ANKRD30BL: variants seen among roughly 807,000 people sequenced by gnomAD.
The protein encoded by ANKRD30BL is ankyrin repeat domain 30B like, also known as putative ankyrin repeat domain-containing protein 30B-like.
In ANKRD30BL, 20 loss-of-function variants were observed where a neutral mutation model predicts 18.4. The observed-to-expected ratio is 1.09, with a 90% CI of 0.77 to 1.58. The LOEUF is 1.58. Among genes scored for constraint, ANKRD30BL ranks in the 40% most tolerant of loss-of-function variants. ANKRD30BL has a pLI of 0.00. For synonymous variants in ANKRD30BL, 72 were observed against 100.9 expected (o/e 0.71, Z 1.72); for missense variants, 224 against 268.6 (o/e 0.83, Z 1.16).
intron 1 of ANKRD30BL, among the ~76,000 whole-genome samples, chr2:132,252,204 G>A (rs201219984): frequency 3.3e-5 from 5 of 152,230 alleles, no homozygotes; most frequent in Admixed American, 6.5e-5. Context: ...TGATGTTAAC[G>A]ATGCTACTGG....
intron 1 of ANKRD30BL, among the ~76,000 whole-genome samples, chr2:132,239,409 T>C (rs1680249981): frequency 6.6e-6 from 1 of 151,970 alleles, no homozygotes. Flanking sequence ...ACTCTTTTTG[T>C]AGGATCTGTA....
Position 132,154,694 on chromosome 2 carries a change from A to T in ANKRD30BL, c.582T>A (p.Asn194Lys). The change falls in exon 4 of 6, where the codon AAT (asparagine) becomes AAA (lysine). Residue 194 changes from asparagine to lysine, a missense_variant. Asn to Lys is a moderately conservative substitution (Grantham distance 94). Around this residue, in one of 3 missense-constraint regions of ANKRD30BL, gnomAD observed 63 missense variants for 62.3 expected, o/e 1.01. Transcript: ENST00000409867. ...EEIVEFLLTKNANANAVDKFK... is the reference protein window; with the variant it reads ...EEIVEFLLTKKANANAVDKFK... ...ACTTATCAACTGCATTTGCATTTGC[A>T]TTTTTTGTCAGTAAAAATTCCACAA... 4.1e-6 allele frequency: 3 copies of T among 729,220 alleles called. No individual in the cohort carries two copies. The highest frequency in any genetic ancestry group is 7.7e-6 in the Non-Finnish European group (3 of 390,350). The allele number at this position is 729,220 out of a possible 1,614,324, so 45.2% of individuals were successfully genotyped here. A position where few individuals can be genotyped will look rare whatever the true frequency, so the allele number is the denominator to read the frequency against.
chr2:132,249,466 A>G (rs1680592332), intron 1 of ANKRD30BL, among the ~76,000 whole-genome samples: 1 of 152,134 alleles, frequency 6.6e-6, no homozygotes. Flanking sequence ...TTTTTATGTG[A>G]AGACATTTCC....
intron 4 of ANKRD30BL, chr2:132,152,597 A>G (rs1234508186): frequency 1.3e-5 from 2 of 152,196 alleles, no homozygotes; most frequent in African/African-American, 2.4e-5. Context: ...GAAAGATGAC[A>G]TGGGATTTTA....
upstream of ANKRD30BL, among the ~76,000 whole-genome samples, chr2:132,166,583 T>C (rs1688191421): frequency 6.6e-6 from 1 of 152,152 alleles, no homozygotes; most frequent in African/African-American, 2.4e-5. Context: ...CTTGTGAGTA[T>C]AGAGTTTTTA....
chr2:132,204,097 C>A (rs201897023), intron 1 of ANKRD30BL, among the ~76,000 whole-genome samples: 1 of 152,140 alleles, frequency 6.6e-6, no homozygotes, highest in Admixed American at 6.6e-5. Flanking sequence ...AAGATCTCAG[C>A]CTTTGTATCA....
At chr2:132,221,172 C>T (rs1679665335) in intron 1 of ANKRD30BL, among the ~76,000 whole-genome samples, 1 of 146,098 alleles carries the variant, frequency 6.8e-6, no homozygotes, top group African/African-American at 2.8e-5. Flanking sequence ...CCGGCAGCCA[C>T]CCCATCCGCG....
In ANKRD30BL at chr2:132,224,647, C is replaced by A. The variant is rs539402137; in HGVS notation, n.441+32882G>T. On this transcript the variant is annotated intron_variant and non_coding_transcript_variant, in intron 1 of 4. Coordinates refer to the ANKRD30BL transcript ENST00000470729. ...TATGGTGGAAAAGGAAGTATCTTCA[C>A]TTAAAAACTAGACAGAAGCACTCTC... Among the ~76,000 whole-genome samples, 257 of 152,088 alleles carry A rather than the reference C, an allele frequency of 1.7e-3. 1 individual carries two copies. Among genetic ancestry groups the A allele is most frequent in the African/African-American group, 5.9e-3 (244 of 41,520 alleles).
intron 1 of ANKRD30BL, among the ~76,000 whole-genome samples, chr2:132,184,230 G>A (rs1000102924): frequency 5.9e-5 from 9 of 152,046 alleles, no homozygotes; most frequent in Non-Finnish European, 1.3e-4. Context: ...CTGCCACCAT[G>A]CCTGGCTAAT....
intron 5 of ANKRD30BL, among the ~76,000 whole-genome samples, chr2:132,149,118 T>C (rs1237120343): frequency 6.6e-6 from 1 of 152,260 alleles, no homozygotes; most frequent in Non-Finnish European, 1.5e-5. Context: ...AGTCCTTTGA[T>C]AAATATGTAA....
At chr2:132,245,539 T>C (rs75744945) in intron 1 of ANKRD30BL, among the ~76,000 whole-genome samples, 1 of 152,246 alleles carries the variant, frequency 6.6e-6, no homozygotes, top group Admixed American at 6.5e-5. Flanking sequence ...AGAGCAGTTT[T>C]GAAACACTCT....
At chr2:132,198,642 A>G (rs1251348818) in intron 1 of ANKRD30BL, among the ~76,000 whole-genome samples, 4 of 133,914 alleles carry the variant, frequency 3.0e-5, no homozygotes, top group Non-Finnish European at 6.3e-5. Flanking sequence ...TTTTTTAGAC[A>G]GTTTTTGCTC....
intron 1 of ANKRD30BL, among the ~76,000 whole-genome samples, chr2:132,205,285 C>T (rs939266940): frequency 1.3e-4 from 19 of 151,640 alleles, no homozygotes; most frequent in South Asian, 8.4e-4. Flanking sequence ...ACACAGTGGA[C>T]GTGAAAAAAC....
intron 1 of ANKRD30BL, among the ~76,000 whole-genome samples, chr2:132,227,515 C>T (rs1288369866): frequency 6.0e-5 from 9 of 150,686 alleles, no homozygotes; most frequent in Non-Finnish European, 1.5e-5. Flanking sequence ...ATATTAGGTA[C>T]CCCTTGAGAC....
chr2:132,230,220 G>A (rs1230257571), intron 1 of ANKRD30BL, among the ~76,000 whole-genome samples: 1 of 151,996 alleles, frequency 6.6e-6, no homozygotes, highest in Non-Finnish European at 1.5e-5. Context: ...CGTTTTCATA[G>A]AGCAGTTTTG....
intron 1 of ANKRD30BL, among the ~76,000 whole-genome samples, chr2:132,203,831 C>T (rs1423048439): frequency 6.6e-6 from 1 of 152,082 alleles, no homozygotes. Context: ...ATACCAAATT[C>T]TCTTACTTTT....
At chr2:132,186,684 AAC>A (rs1166852350) in intron 1 of ANKRD30BL, among the ~76,000 whole-genome samples, 1 of 152,224 alleles carries the variant, frequency 6.6e-6, no homozygotes, top group Non-Finnish European at 1.5e-5. Flanking sequence ...ATTAGAACTA[AAC>A]ACAGCTTTTA....
At chr2:132,156,531 G>A (rs1687910993) in intron 3 of ANKRD30BL, 1 of 152,246 alleles carries the variant, frequency 6.6e-6, no homozygotes, top group Admixed American at 6.5e-5. Context: ...TATGCTTTAT[G>A]TAAAATTAGA....
In ANKRD30BL at chr2:132,206,129, G is replaced by A. The variant is rs1013021686; in HGVS notation, n.442-48983C>T. Among the ~76,000 whole-genome samples the A allele has an allele frequency of 3.8e-4, 58 of 152,080 alleles. 1 individual carries two copies. The highest frequency in any genetic ancestry group is 1.4e-3 in the African/African-American group (56 of 41,390). ...GCCGAGATGATGCCACTGCACTCCA[G>A]CATGGGTGACAGAGCAAGAGAAAGA... On this transcript the variant is annotated intron_variant and non_coding_transcript_variant, in intron 1 of 4. Transcript: ENST00000470729.
Sources: allele counts gnomAD v4.1 joint callset (sites outside exome capture counted in the v4.1 genomes callset), GRCh38; gene constraint gnomAD v4.1.1; regional missense constraint gnomAD v4.1.1; transcripts MANE v1.5; gene names NCBI Gene and HGNC (gene_info 2026-07-23, HGNC 2026-07-21).